The following TRAP1 variants were observed in gnomAD, a reference collection of about 807,000 sequenced individuals.
The protein encoded by TRAP1 is heat shock protein 75 kDa, mitochondrial.
A neutral mutation model predicts 89.1 loss-of-function variants in TRAP1; 102 were observed. The ratio of observed to expected loss-of-function variants is 1.15; its 90% CI spans 0.98 to 1.35. The LOEUF is 1.35. Ranked by LOEUF, TRAP1 falls within the 40% of genes most tolerant of loss-of-function variation. The pLI is 0.00. For synonymous variants in TRAP1, 508 were observed against 388.0 expected (o/e 1.31, Z -3.64); for missense variants, 1,256 against 945.3 (o/e 1.33, Z -4.31).
At chr16:3,716,887 G>A (rs955879762) in intron 1 of TRAP1, among the ~76,000 whole-genome samples, 2 of 152,224 alleles carry the variant, frequency 1.3e-5, no homozygotes, top group Non-Finnish European at 2.9e-5. Context: ...TTTGTTCACT[G>A]TGGCGTCCCC....
At chr16:3,688,320 C>T (rs529238780) in intron 3 of TRAP1, among the ~76,000 whole-genome samples, 1 of 152,138 alleles carries the variant, frequency 6.6e-6, no homozygotes, top group South Asian at 2.1e-4. Flanking sequence ...TTTTAATTTC[C>T]TCAGTAACTC....
chr16:3,673,405 C>G (rs1281395222), intron 9 of TRAP1, among the ~76,000 whole-genome samples: 2 of 152,224 alleles, frequency 1.3e-5, no homozygotes. Flanking sequence ...CTGTCTGGCC[C>G]TCGTGGAACG....
At chr16:3,708,883 G>A (rs775186505) in intron 1 of TRAP1, among the ~76,000 whole-genome samples, 6 of 148,272 alleles carry the variant, frequency 4.0e-5, no homozygotes, top group Non-Finnish European at 7.4e-5. Flanking sequence ...TGGTGCGATC[G>A]CGGCTCACTG....
intron 16 of TRAP1, 111 bp downstream of exon 16, chr16:3,661,875 GT>G: frequency 7.4e-7 from 1 of 1,352,874 alleles, no homozygotes; most frequent in Non-Finnish European, 9.8e-7. Context: ...TTACCCACAT[GT>G]CCACAGGCCT....
At chr16:3,671,644 C>CT in intron 11 of TRAP1, 78 bp downstream of exon 11, 1 of 1,512,068 alleles carries the variant, frequency 6.6e-7, no homozygotes, top group Non-Finnish European at 9.0e-7. Context: ...TGGGCCACGG[C>CT]TAGGGCCCTC....
intron 1 of TRAP1, among the ~76,000 whole-genome samples, chr16:3,715,311 G>A (rs898568739): frequency 3.9e-5 from 6 of 152,056 alleles, no homozygotes; most frequent in East Asian, 1.9e-4. Flanking sequence ...GGTGGTGGGC[G>A]CCTAAAGTCC....
intron 1 of TRAP1, among the ~76,000 whole-genome samples, chr16:3,713,893 T>C (rs981058528): frequency 3.9e-5 from 6 of 152,318 alleles, no homozygotes; most frequent in South Asian, 4.1e-4. Context: ...CAGGGCTGGC[T>C]CTGTGACTGT....
chr16:3,664,575 T>C, intron 12 of TRAP1, 116 bp from the exon 13 acceptor site: 2 of 1,162,700 alleles, frequency 1.7e-6, no homozygotes, highest in Non-Finnish European at 2.4e-6. Context: ...AGGCTGGCCC[T>C]GACCCGAGGG....
intron 17 of TRAP1, 57 bp downstream of exon 17, chr16:3,658,736 A>AGGCT: frequency 6.5e-7 from 1 of 1,531,618 alleles, no homozygotes; most frequent in Non-Finnish European, 9.0e-7. Context: ...CCCTGAAGGC[A>AGGCT]GGCTGGCAGG....
chr16:3,686,175 C>T (rs1223445902), intron 3 of TRAP1, 39 bp from the exon 4 acceptor site: 2 of 1,607,220 alleles, frequency 1.2e-6, no homozygotes, highest in South Asian at 1.1e-5. Context: ...CAATGAAGGA[C>T]ACTCATCCTG....
chr16:3,700,750 G>C (rs1257386929), intron 1 of TRAP1, among the ~76,000 whole-genome samples: 2 of 152,158 alleles, frequency 1.3e-5, no homozygotes, highest in African/African-American at 4.8e-5. Flanking sequence ...ACAGAAGTGA[G>C]CCACCGCACC....
At chr16:3,687,282 G>GT (rs2051150513) in intron 3 of TRAP1, 1 of 152,222 alleles carries the variant, frequency 6.6e-6, no homozygotes, top group Non-Finnish European at 1.5e-5. Flanking sequence ...TGTCATCCAT[G>GT]TAAGACGGGA....
At chr16:3,674,269 T>A (rs1442080345) in intron 9 of TRAP1, 70 bp downstream of exon 9, 1 of 1,570,044 alleles carries the variant, frequency 6.4e-7, no homozygotes, top group Non-Finnish European at 8.7e-7. Context: ...TCATGTGACA[T>A]CTGCAGAGCT....
intron 1 of TRAP1, among the ~76,000 whole-genome samples, chr16:3,710,879 A>ATATAT (rs71133652): frequency 1.6e-5 from 2 of 125,834 alleles, no homozygotes; most frequent in African/African-American, 3.3e-5. Context: ...ATATATATAT[A>ATATAT]TTTTTTTTTT....
chr16:3,716,268 G>A (rs769618702), intron 1 of TRAP1, among the ~76,000 whole-genome samples: 15 of 152,160 alleles, frequency 9.9e-5, no homozygotes, highest in Non-Finnish European at 2.1e-4. Flanking sequence ...AATTGATAAG[G>A]CCTTTTTGGA....
chr16:3,696,451 G>C (rs1031448288), intron 1 of TRAP1, among the ~76,000 whole-genome samples: 1 of 152,144 alleles, frequency 6.6e-6, no homozygotes, highest in African/African-American at 2.4e-5. Context: ...AACAGAGGAG[G>C]AGCAGCAGCT....
intron 5 of TRAP1, 98 bp from the exon 6 acceptor site, chr16:3,677,756 A>G (rs1172979935): frequency 7.1e-7 from 1 of 1,409,440 alleles, no homozygotes; most frequent in South Asian, 1.4e-5. Context: ...AGACCCCTTC[A>G]TCCTGAAAAC....
chr16:3,664,462 A>C lies in TRAP1; in HGVS notation c.1384-3T>G. 1 of 1,607,962 alleles carries C rather than the reference A, an allele frequency of 6.2e-7. No individual in the cohort carries two copies. The highest frequency in any genetic ancestry group is 8.5e-7 in the Non-Finnish European group (1 of 1,177,664). ...CGCAGCAGCTTTGCTATGTCCTCCT[A>C]GAAGGGACGGGGCAGGTCACCACTT... On this transcript the variant is annotated splice_polypyrimidine_tract_variant and splice_region_variant and intron_variant, in intron 12 of 17. Transcript: ENST00000246957.
chr16:3,672,374 C>T (rs1037452786), intron 10 of TRAP1, among the ~76,000 whole-genome samples: 6 of 152,114 alleles, frequency 3.9e-5, no homozygotes, highest in African/African-American at 7.2e-5. Context: ...CCTCTGTGTA[C>T]CAAGGCTTAA....
Sources: gnomAD v4.1 joint callset for allele counts (sites outside exome capture counted in the v4.1 genomes callset) on GRCh38, gnomAD v4.1.1 for gene constraint, MANE v1.5 for transcripts, NCBI Gene and HGNC (gene_info 2026-07-23, HGNC 2026-07-21) for gene names.